Variants in AKAP6 observed in about 807,000 individuals in gnomAD.
AKAP6 encodes A-kinase anchoring protein 6.
AKAP6 carries 58 observed loss-of-function variants against 188.5 expected under a neutral mutation model. The ratio of observed to expected loss-of-function variants is 0.31; its 90% CI spans 0.25 to 0.38. The LOEUF (loss-of-function observed/expected upper bound fraction) is 0.38. Ranked by LOEUF, AKAP6 falls within the 10% of genes least tolerant of loss-of-function variation. AKAP6 has a pLI of 1.00. For missense variants in AKAP6, 2,710 were observed against 2,740.0 expected (o/e 0.99, Z 0.24); for synonymous variants, 989 against 998.6 (o/e 0.99, Z 0.18).
intron 1 of AKAP6, among the ~76,000 whole-genome samples, chr14:32,386,687 A>G (rs1239975245): frequency 2.6e-5 from 4 of 152,182 alleles, no homozygotes; most frequent in Admixed American, 6.6e-5. Context: ...GCCTAAGCCA[A>G]TGTCTAGAAG....
chr14:32,439,254 T>C (rs1361130006), intron 2 of AKAP6, among the ~76,000 whole-genome samples: 1 of 152,206 alleles, frequency 6.6e-6, no homozygotes, highest in African/African-American at 2.4e-5. Flanking sequence ...GGAAAAAGGA[T>C]TGAATCCTCT....
intron 4 of AKAP6, among the ~76,000 whole-genome samples, chr14:32,567,894 G>C (rs1390751328): frequency 2.0e-5 from 3 of 152,036 alleles, no homozygotes; most frequent in African/African-American, 7.2e-5. Flanking sequence ...GGCTGGAGGA[G>C]ACTTTGAACT....
At chr14:32,445,600 C>A (rs537643399) in intron 2 of AKAP6, among the ~76,000 whole-genome samples, 2 of 152,196 alleles carry the variant, frequency 1.3e-5, no homozygotes, top group South Asian at 2.1e-4. Context: ...TGGTCTTGAA[C>A]CCCTGACCTC....
chr14:32,616,276 C>T (rs1008394633), intron 7 of AKAP6, among the ~76,000 whole-genome samples: 1 of 152,116 alleles, frequency 6.6e-6, no homozygotes, highest in African/African-American at 2.4e-5. Flanking sequence ...GAATATTAAT[C>T]GTTCTATCAT....
rs140253801 is a variant in AKAP6, at chr14:32,534,630, G to T, written c.325-924G>T. On this transcript the variant is annotated intron_variant, in intron 2 of 13. Transcript: ENST00000280979. ...ATTTTTCTGGCTTTGTTTCATAAGA[G>T]TGATTCTGCTTGCAAAGTGTGGGTT... Among the ~76,000 whole-genome samples the T allele has an allele frequency of 1.2e-4, 18 of 152,206 alleles. No individual in the cohort carries two copies. In the East Asian group the frequency reaches 3.3e-3, roughly 28 times the overall value.
At chr14:32,639,364 A>G (rs1887660043) in intron 7 of AKAP6, among the ~76,000 whole-genome samples, 1 of 152,172 alleles carries the variant, frequency 6.6e-6, no homozygotes, top group African/African-American at 2.4e-5. Flanking sequence ...ATCTTCATCT[A>G]TCTCAAGACA....
intron 2 of AKAP6, among the ~76,000 whole-genome samples, chr14:32,532,536 G>C (rs17099228): frequency 0.046 from 6,960 of 152,236 alleles, 530 homozygotes; most frequent in African/African-American, 0.16. Flanking sequence ...GCCAAATCAT[G>C]TATAAGAGGA....
intron 2 of AKAP6, among the ~76,000 whole-genome samples, chr14:32,448,543 TCA>T (rs1890832607): frequency 6.6e-6 from 1 of 152,224 alleles, no homozygotes; most frequent in Non-Finnish European, 1.5e-5. Context: ...TTGCCTAAAA[TCA>T]CACAACTACA....
intron 1 of AKAP6, among the ~76,000 whole-genome samples, chr14:32,421,433 A>G (rs1412163723): frequency 6.6e-6 from 1 of 151,790 alleles, no homozygotes; most frequent in Non-Finnish European, 1.5e-5. Context: ...TGTGATTTTC[A>G]TTTTTGCTAT....
rs2034616460 is a variant in AKAP6 at position 32,824,256 on chromosome 14, A to G, written c.6443A>G (p.Asp2148Gly). 1.2e-6 allele frequency: 2 copies of G among 1,613,984 alleles called. No individual in the cohort carries two copies. Among genetic ancestry groups the G allele is most frequent in the Non-Finnish European group, 1.7e-6 (2 of 1,179,962 alleles). ...GACACCACTGACTCGGGCTTAGATG[A>G]CAAGGAAGATATTGAATGCTTTTTT... ...PLDTTDSGLD[D>G]KEDIECFFEA... is the part of the protein sequence containing the mutation. The change falls in exon 13 of 14, where the codon GAC (aspartate) becomes GGC (glycine). Residue 2148 changes from aspartate to glycine, a missense_variant. Around this residue, in one of 2 missense-constraint regions of AKAP6, gnomAD observed 2,473 missense variants for 2,426.1 expected, o/e 1.02. Coordinates refer to ENST00000280979, the MANE Select transcript of AKAP6 (RefSeq NM_004274.5).
intron 2 of AKAP6, among the ~76,000 whole-genome samples, chr14:32,483,842 C>T (rs1879507630): frequency 6.6e-6 from 1 of 151,926 alleles, no homozygotes; most frequent in Non-Finnish European, 1.5e-5. Context: ...AGGTTTGTTA[C>T]ATAGTATACA....
chr14:32,444,320 G>A (rs1416498764), intron 2 of AKAP6, among the ~76,000 whole-genome samples: 3 of 152,080 alleles, frequency 2.0e-5, no homozygotes, highest in Non-Finnish European at 4.4e-5. Flanking sequence ...AGGAGTTAGA[G>A]GCAATTGGTT....
intron 2 of AKAP6, among the ~76,000 whole-genome samples, chr14:32,451,345 C>G (rs536528570): frequency 1.3e-5 from 2 of 152,240 alleles, no homozygotes; most frequent in African/African-American, 4.8e-5. Flanking sequence ...TGTTCCAGTT[C>G]CCATTTTCTG....
At chr14:32,728,654 T>C in intron 9 of AKAP6, among the ~76,000 whole-genome samples, 1 of 152,178 alleles carries the variant, frequency 6.6e-6, no homozygotes, top group East Asian at 1.9e-4. Context: ...GAAATGTCTT[T>C]AGTTTAATTT....
intron 2 of AKAP6, chr14:32,434,018 A>G (rs959575564): frequency 2.5e-5 from 14 of 570,494 alleles, no homozygotes; most frequent in Non-Finnish European, 3.9e-5. Flanking sequence ...TATCTAGAAT[A>G]CAACTGGCCT....
At chr14:32,436,467 A>G (rs1460498266) in intron 2 of AKAP6, among the ~76,000 whole-genome samples, 1 of 152,168 alleles carries the variant, frequency 6.6e-6, no homozygotes, top group Non-Finnish European at 1.5e-5. Flanking sequence ...AGTCCTGGGA[A>G]TCCATCTCCA....
At chr14:32,766,822 A>T (rs927110191) in intron 11 of AKAP6, among the ~76,000 whole-genome samples, 12 of 152,184 alleles carry the variant, frequency 7.9e-5, no homozygotes, top group African/African-American at 2.9e-4. Context: ...AGAAGAAGCC[A>T]TTGCCTATGA....
chr14:32,546,876 A>G lies in AKAP6; in HGVS notation c.2223A>G (p.Ser741=), dbSNP rs77316955. Residue 741 remains serine (S), a synonymous_variant, in exon 4 of 14, where the codon TCA becomes TCG. Coordinates refer to ENST00000280979, the MANE Select transcript of AKAP6 (RefSeq NM_004274.5). ...TGAAAAAGTATGCTGATGAGAAGTCAGAAAGAGCTTCATCCTCTGAGAAAA... is the reference window on the plus strand; with the variant it reads ...TGAAAAAGTATGCTGATGAGAAGTCGGAAAGAGCTTCATCCTCTGAGAAAA... ...AGMKKYADEK[S]ERASSSEKNE... The G allele has an allele frequency of 6.2e-7, 1 of 1,614,124 alleles. No homozygotes were observed. The highest frequency in any genetic ancestry group is 2.2e-5 in the East Asian group (1 of 44,880).
intron 1 of AKAP6, among the ~76,000 whole-genome samples, chr14:32,408,520 A>G (rs1340981825): frequency 6.7e-6 from 1 of 148,214 alleles, no homozygotes; most frequent in Non-Finnish European, 1.5e-5. Flanking sequence ...TACAATTTAT[A>G]ATATATAATA....
Sources: gnomAD v4.1 joint callset for allele counts (sites outside exome capture counted in the v4.1 genomes callset) on GRCh38, gnomAD v4.1.1 for gene constraint, gnomAD v4.1.1 regional missense constraint, MANE v1.5 for transcripts, NCBI Gene and HGNC (gene_info 2026-07-23, HGNC 2026-07-21) for gene names.